The following MAPRE3 variants were observed in gnomAD, a reference collection of about 807,000 sequenced individuals.
The protein encoded by MAPRE3 is microtubule-associated protein RP/EB family member 3.
In MAPRE3, 2 loss-of-function variants were observed where a neutral mutation model predicts 30.5. That is an observed-to-expected ratio of 0.07 (90% CI 0.03 to 0.21). The LOEUF (loss-of-function observed/expected upper bound fraction) is 0.21, where lower values mean the gene tolerates loss of function less well. MAPRE3 is among the 10% of genes least tolerant of loss of function. The pLI, the probability that MAPRE3 is intolerant of heterozygous loss-of-function variation, is 1.00. For synonymous variants in MAPRE3, 110 were observed against 127.7 expected, an observed-to-expected ratio of 0.86 and a Z score of 0.93; for missense variants, 204 against 351.8, an observed-to-expected ratio of 0.58 and a Z score of 3.36.
rs149242613 is a variant in MAPRE3 at position 27,023,042 on chromosome 2, C to T, written c.122-290C>T. On this transcript the variant is annotated intron_variant, in intron 2 of 6. Coordinates refer to ENST00000233121, the MANE Select transcript of MAPRE3 (RefSeq NM_012326.4). ...ATACTGCCCTAGGCCTCAGTTTTCTCATCCATAAGATGGAGATAGTATCAC... is the reference window on the plus strand; with the variant it reads ...ATACTGCCCTAGGCCTCAGTTTTCTTATCCATAAGATGGAGATAGTATCAC... 6.6e-5 allele frequency among the ~76,000 whole-genome samples: 10 copies of T among 152,320 alleles called. No individual in the cohort carries two copies. In the East Asian group the frequency reaches 1.5e-3, roughly 23 times the overall value.
chr2:27,014,996 T>A (rs1666950535), intron 1 of MAPRE3: 1 of 152,222 alleles, frequency 6.6e-6, no homozygotes, highest in African/African-American at 2.4e-5. Context: ...TAGGATGGCG[T>A]CTACAAAGCA....
intron 1 of MAPRE3, among the ~76,000 whole-genome samples, chr2:26,992,455 C>T (rs1390719725): frequency 6.6e-6 from 1 of 151,866 alleles, no homozygotes; most frequent in African/African-American, 2.4e-5. Context: ...GAACTCCCGA[C>T]GTCAGGTGAT....
chr2:27,018,055 T>C (rs2148224809), intron 1 of MAPRE3, among the ~76,000 whole-genome samples: 1 of 152,266 alleles, frequency 6.6e-6, no homozygotes, highest in South Asian at 2.1e-4. Context: ...AATCAAAAAC[T>C]GGAGGATATA....
rs192141205 is a variant in MAPRE3 at position 27,024,314 on chromosome 2, G to A, written c.469+17G>A. ...GCACAGCAGGTAACGTGCCCGAGCC[G>A]GGGGAGGGAGCGTGGGGGGCCGGGC... On this transcript the variant is annotated intron_variant, in intron 4 of 6. Coordinates refer to ENST00000233121, the MANE Select transcript of MAPRE3 (RefSeq NM_012326.4). 109 of 1,608,918 alleles carry A rather than the reference G, an allele frequency of 6.8e-5. No homozygotes were observed. In the East Asian group the frequency reaches 1.5e-3, roughly 23 times the overall value.
At chr2:27,025,550 C>G in intron 4 of MAPRE3, 33 bp from the exon 5 acceptor site, 1 of 1,538,940 alleles carries the variant, frequency 6.5e-7, no homozygotes, top group Non-Finnish European at 8.7e-7. Context: ...TGTGGGCTCA[C>G]GTGGACTTAC....
chr2:27,009,156 T>C (rs1311164757), intron 1 of MAPRE3, among the ~76,000 whole-genome samples: 1 of 152,140 alleles, frequency 6.6e-6, no homozygotes, highest in Non-Finnish European at 1.5e-5. Flanking sequence ...ATCCATGTGA[T>C]AAAATTTCAT....
intron 1 of MAPRE3, among the ~76,000 whole-genome samples, chr2:27,000,858 T>C (rs1666580552): frequency 1.3e-5 from 2 of 152,268 alleles, no homozygotes; most frequent in Non-Finnish European, 2.9e-5. Context: ...AGTAGTTATC[T>C]TGGCAACTAT....
intron 1 of MAPRE3, among the ~76,000 whole-genome samples, chr2:27,020,695 G>A (rs933511765): frequency 1.3e-5 from 2 of 152,244 alleles, no homozygotes; most frequent in Non-Finnish European, 2.9e-5. Context: ...CCAACACTAT[G>A]AGTGCTGAAC....
chr2:27,006,187 T>TAAAAAC (rs1217614368), intron 1 of MAPRE3, among the ~76,000 whole-genome samples: 2 of 149,590 alleles, frequency 1.3e-5, no homozygotes, highest in African/African-American at 5.0e-5. Flanking sequence ...GTCTCAAAAA[T>TAAAAAC]AAAAACAAAA....
Position 27,024,189 on chromosome 2 carries a change from G to A in MAPRE3, c.361G>A (p.Gly121Arg). 6.2e-7 allele frequency: 1 copy of A among 1,614,232 alleles called. No homozygotes were observed. The highest frequency in any genetic ancestry group is 8.5e-7 in the Non-Finnish European group (1 of 1,180,014). The change falls in exon 4 of 7, where the codon GGA becomes AGA. Residue 121 changes from glycine (G) to arginine (R), a missense_variant. Gly to Arg is a moderately radical substitution (Grantham distance 125). This residue lies in a region of MAPRE3 where 101 missense variants were observed against 205.4 expected (regional missense o/e 0.49). Coordinates refer to ENST00000233121, the MANE Select transcript of MAPRE3 (RefSeq NM_012326.4). The stretch of plus-strand genomic sequence containing the variant: ...GAAATTCTTTGACGCAAACTATGAT[G>A]GAAAGGATTACAACCCTCTGCTGGC... ...FKKFFDANYDGKDYNPLLARQ... is the reference protein window; with the variant it reads ...FKKFFDANYDRKDYNPLLARQ...
intron 1 of MAPRE3, among the ~76,000 whole-genome samples, chr2:26,981,038 A>G (rs890842904): frequency 1.3e-5 from 2 of 152,160 alleles, no homozygotes; most frequent in African/African-American, 2.4e-5. Flanking sequence ...TTTCTTTAGT[A>G]AAATAGAGCC....
intron 1 of MAPRE3, among the ~76,000 whole-genome samples, chr2:27,017,038 G>A (rs994417752): frequency 2.6e-5 from 4 of 152,190 alleles, no homozygotes; most frequent in African/African-American, 9.7e-5. Context: ...CAGGACCTGG[G>A]TGCCACCTGC....
chr2:26,985,287 C>T lies in MAPRE3; in HGVS notation c.-8+14485C>T, dbSNP rs1351152455. On this transcript the variant is annotated intron_variant, in intron 1 of 6. Coordinates refer to ENST00000233121, the MANE Select transcript of MAPRE3 (RefSeq NM_012326.4). This position sits in a 1 kb window ranked among gnomAD's most constrained non-coding sequence, Gnocchi z 4.2. ...CAAGTCAGGCAGAATCCTACCTGGGCCATCTTCCCAGCTCCTGAGATAATT... is the reference window on the plus strand; with the variant it reads ...CAAGTCAGGCAGAATCCTACCTGGGTCATCTTCCCAGCTCCTGAGATAATT... Among the ~76,000 whole-genome samples, 2 of 152,226 alleles carry T rather than the reference C, an allele frequency of 1.3e-5. No homozygotes were observed. Among genetic ancestry groups the T allele is most frequent in the Non-Finnish European group, 2.9e-5 (2 of 68,050 alleles).
chr2:27,019,240 C>T (rs1055230603), intron 1 of MAPRE3, among the ~76,000 whole-genome samples: 5 of 151,820 alleles, frequency 3.3e-5, no homozygotes, highest in African/African-American at 4.9e-5. Context: ...CATGAAGAGC[C>T]GTGCCCAGGG....
chr2:26,985,711 A>G lies in MAPRE3; in HGVS notation c.-8+14909A>G, dbSNP rs950498307. 6.6e-6 allele frequency among the ~76,000 whole-genome samples: 1 copy of G among 152,220 alleles called. No homozygotes were observed. Among genetic ancestry groups the G allele is most frequent in the Non-Finnish European group, 1.5e-5 (1 of 68,034 alleles). The stretch of plus-strand genomic sequence containing the variant: ...AGAATAGGTATTACCTTATATGGCA[A>G]TAAGTGTTAATTAAGTTAAGGATCT... On this transcript the variant is annotated intron_variant, in intron 1 of 6. Coordinates refer to ENST00000233121, the MANE Select transcript of MAPRE3 (RefSeq NM_012326.4). This position sits in a 1 kb window ranked among gnomAD's most constrained non-coding sequence, Gnocchi z 4.2.
intron 1 of MAPRE3, among the ~76,000 whole-genome samples, chr2:27,002,300 A>G (rs1441743085): frequency 1.3e-5 from 2 of 152,218 alleles, no homozygotes; most frequent in East Asian, 1.9e-4. Context: ...CCAGTTTTTC[A>G]TTATTGTAAA....
chr2:27,007,435 T>C (rs1441521625), intron 1 of MAPRE3, among the ~76,000 whole-genome samples: 3 of 152,266 alleles, frequency 2.0e-5, no homozygotes, highest in Non-Finnish European at 4.4e-5. Flanking sequence ...GCCTGTGGTC[T>C]GTCAGAAGTA....
At position 27,022,500 on chromosome 2, in the gene MAPRE3, TCA is replaced by T. The variant is rs199621083; in HGVS notation, c.121+164_121+165del. On this transcript the variant is annotated intron_variant, in intron 2 of 6. Coordinates refer to ENST00000233121, the MANE Select transcript of MAPRE3 (RefSeq NM_012326.4). ...AGGCGATGTTGTTGTTGTGTGAACA[TCA>T]CAGAGTGTATTTACACAAACCTGGA... 5.5e-3 allele frequency: 5,135 copies of T among 930,158 alleles called. 28 individuals carry two copies. The highest frequency in any genetic ancestry group is 0.013 in the Middle Eastern group (39 of 2,982). 57.6% of individuals were successfully genotyped at this position (930,158 alleles called of 1,614,324 possible).
chr2:27,017,463 G>A (rs994866785), intron 1 of MAPRE3, among the ~76,000 whole-genome samples: 3 of 152,198 alleles, frequency 2.0e-5, no homozygotes, highest in African/African-American at 7.2e-5. Context: ...CCGAAGGTAT[G>A]GAAAATGCCC....
Sources: allele counts gnomAD v4.1 joint callset (sites outside exome capture counted in the v4.1 genomes callset), GRCh38; gene constraint gnomAD v4.1.1; regional missense constraint gnomAD v4.1.1; non-coding constraint Gnocchi (gnomAD v3.1); transcripts MANE v1.5; gene names NCBI Gene and HGNC (gene_info 2026-07-23, HGNC 2026-07-21).